The following ZNF488 variants were observed in gnomAD, a reference collection of about 807,000 sequenced individuals.
ZNF488 encodes the protein zinc finger protein 488.
Under a neutral mutation model 1.2 loss-of-function variants are expected in ZNF488, and 1 was observed. That is an observed-to-expected ratio of 0.86 (90% CI 0.30 to 4.07). The LOEUF (loss-of-function observed/expected upper bound fraction) is 4.07, where lower values mean the gene tolerates loss of function less well. Ranked by LOEUF, ZNF488 falls within the 30% of genes most tolerant of loss-of-function variation. ZNF488 has a pLI of 0.18. For synonymous variants in ZNF488, 185 were observed against 190.1 expected, an observed-to-expected ratio of 0.97 and a Z score of 0.22; for missense variants, 450 against 437.9, an observed-to-expected ratio of 1.03 and a Z score of -0.25.
Position 47,367,866 on chromosome 10 carries a change from ACACAGGGCAGG to A in ZNF488, c.953_963del (p.Ala318ValfsTer79). The A allele has an allele frequency of 6.2e-7, 1 of 1,613,902 alleles. No individual in the cohort carries two copies. Among genetic ancestry groups the A allele is most frequent in the Non-Finnish European group, 8.5e-7 (1 of 1,180,038 alleles). On this transcript the variant is annotated frameshift_variant, in exon 2 of 2. Transcript: ENST00000585316. LOFTEE classifies it high-confidence loss of function. ...TGGCGCTCCCGGAAGTGCTCCTGGC[ACACAGGGCAGG>A]CAAGGGCCTCTTCTCTCCGCTTCTG...
At chr10:47,369,608 T>A (rs1364571462) in intron 1 of ZNF488, among the ~76,000 whole-genome samples, 2 of 152,178 alleles carry the variant, frequency 1.3e-5, no homozygotes, top group Admixed American at 1.3e-4. Flanking sequence ...CCTGTCAGCT[T>A]CTGCGCGGTC....
chr10:47,381,216 C>G (rs1194856850), intron 1 of ZNF488, among the ~76,000 whole-genome samples: 3 of 152,424 alleles, frequency 2.0e-5, no homozygotes, highest in East Asian at 3.9e-4. Flanking sequence ...AGATCTTATT[C>G]AGAGACACCA....
At chr10:47,379,310 C>G (rs200813331) in intron 1 of ZNF488, among the ~76,000 whole-genome samples, 1 of 147,992 alleles carries the variant, frequency 6.8e-6, no homozygotes, top group South Asian at 2.2e-4. Context: ...CTGCCAAATG[C>G]CATCCCGATA....
At chr10:47,376,128 C>A (rs1446227386) in intron 1 of ZNF488, among the ~76,000 whole-genome samples, 1 of 152,140 alleles carries the variant, frequency 6.6e-6, no homozygotes, top group East Asian at 1.9e-4. Context: ...AACACCTCTT[C>A]GTAACAGGAC....
At chr10:47,377,685 A>T (rs1837739895) in intron 1 of ZNF488, among the ~76,000 whole-genome samples, 2 of 68,280 alleles carry the variant, frequency 2.9e-5, no homozygotes, top group African/African-American at 6.4e-5. Flanking sequence ...ACACACACAC[A>T]CACACACACA....
At chr10:47,369,601 G>A (rs184188461) in intron 1 of ZNF488, among the ~76,000 whole-genome samples, 2 of 152,298 alleles carry the variant, frequency 1.3e-5, no homozygotes, top group East Asian at 3.9e-4. Flanking sequence ...CACATGCCCT[G>A]TCAGCTTCTG....
intron 1 of ZNF488, among the ~76,000 whole-genome samples, chr10:47,377,157 G>A (rs1837709592): frequency 6.6e-6 from 1 of 152,146 alleles, no homozygotes; most frequent in African/African-American, 2.4e-5. Context: ...CTTTGCCCCA[G>A]GTTTTTAAAC....
chr10:47,376,353 G>A (rs1408426034), intron 1 of ZNF488, among the ~76,000 whole-genome samples: 9 of 151,654 alleles, frequency 5.9e-5, no homozygotes, highest in African/African-American at 1.5e-4. Context: ...TATTTCAATC[G>A]TGAGGAAAAG....
chr10:47,370,916 G>A (rs995614195), intron 1 of ZNF488, among the ~76,000 whole-genome samples: 8 of 152,162 alleles, frequency 5.3e-5, no homozygotes, highest in Non-Finnish European at 1.0e-4. Flanking sequence ...CGTTCATTCC[G>A]CAAGCATTCA....
At chr10:47,377,600 T>TCACACA (rs66911760) in intron 1 of ZNF488, among the ~76,000 whole-genome samples, 10 of 114,770 alleles carry the variant, frequency 8.7e-5, no homozygotes, top group Middle Eastern at 4.7e-3. Flanking sequence ...AATAACAATC[T>TCACACA]CACACACACA....
intron 1 of ZNF488, among the ~76,000 whole-genome samples, chr10:47,371,658 C>A (rs1221123167): frequency 6.6e-6 from 1 of 151,908 alleles, no homozygotes; most frequent in Non-Finnish European, 1.5e-5. Flanking sequence ...GCGGCAGTGC[C>A]CTTTTCTGCT....
intron 1 of ZNF488, among the ~76,000 whole-genome samples, chr10:47,381,006 G>A (rs1240543306): frequency 6.6e-6 from 1 of 152,290 alleles, no homozygotes; most frequent in African/African-American, 2.4e-5. Flanking sequence ...TTACTCCTGA[G>A]CTCTCAGGGA....
rs114400957 is a variant in ZNF488 at position 47,378,411 on chromosome 10, C to T, written c.-109+5809G>A. On this transcript the variant is annotated intron_variant, in intron 1 of 1. Transcript: ENST00000585316. ...TAGAACTCAAGCTCTTCAAGTGCCCCCTCCACTGGTGAGAGGTACTGGCAG... is the reference window on the plus strand; with the variant it reads ...TAGAACTCAAGCTCTTCAAGTGCCCTCTCCACTGGTGAGAGGTACTGGCAG... 6.4e-3 allele frequency among the ~76,000 whole-genome samples: 972 copies of T among 152,354 alleles called. 10 individuals are homozygous for T. The highest frequency in any genetic ancestry group is 0.021 in the African/African-American group (878 of 41,596).
Position 47,367,645 on chromosome 10 carries a change from G to T in ZNF488, c.*162C>A. The T allele has an allele frequency of 1.3e-6, 1 of 768,092 alleles. No homozygotes were observed. The highest frequency in any genetic ancestry group is 2.1e-6 in the Non-Finnish European group (1 of 477,966). 47.6% of individuals were successfully genotyped at this position (768,092 alleles called of 1,614,324 possible). ...CTTCATTTCCTTCAAAACACATCAT[G>T]CAGGTGTGGCTTTTTCAAATTATGC... On this transcript the variant is annotated 3_prime_UTR_variant, in exon 2 of 2. Transcript: ENST00000585316.
intron 1 of ZNF488, among the ~76,000 whole-genome samples, chr10:47,379,291 A>G (rs190013606): frequency 5.9e-5 from 9 of 152,336 alleles, no homozygotes; most frequent in African/African-American, 2.2e-4. Flanking sequence ...AGATGCACTT[A>G]TCTCCAATCT....
chr10:47,370,230 G>A (rs1837412912), intron 1 of ZNF488, among the ~76,000 whole-genome samples: 1 of 152,262 alleles, frequency 6.6e-6, no homozygotes, highest in Non-Finnish European at 1.5e-5. Context: ...CCCCTGCCCA[G>A]TCCATAGCTC....
chr10:47,378,908 G>C (rs909983982), intron 1 of ZNF488, among the ~76,000 whole-genome samples: 2 of 152,172 alleles, frequency 1.3e-5, no homozygotes, highest in Non-Finnish European at 2.9e-5. Flanking sequence ...GGTGCCTGAC[G>C]TCAGAGGTGA....
chr10:47,371,277 T>C (rs1588878607), intron 1 of ZNF488, among the ~76,000 whole-genome samples: 1 of 151,980 alleles, frequency 6.6e-6, no homozygotes, highest in Admixed American at 6.5e-5. Context: ...AGTGTGGCTA[T>C]AAAGACTACG....
At chr10:47,376,755 G>A (rs1837695739) in intron 1 of ZNF488, among the ~76,000 whole-genome samples, 1 of 152,200 alleles carries the variant, frequency 6.6e-6, no homozygotes, top group African/African-American at 2.4e-5. Context: ...TGGTTCCCGT[G>A]CAGACACCTA....
Sources: gnomAD v4.1 joint callset for allele counts (sites outside exome capture counted in the v4.1 genomes callset) on GRCh38, gnomAD v4.1.1 for gene constraint, MANE v1.5 for transcripts, NCBI Gene and HGNC (gene_info 2026-07-23, HGNC 2026-07-21) for gene names.